ZBBX: variants seen among roughly 807,000 people sequenced by gnomAD.
ZBBX encodes zinc finger B-box domain-containing protein 1.
Under a neutral mutation model 108.5 loss-of-function variants are expected in ZBBX, and 101 were observed. The observed-to-expected ratio is 0.93, with a 90% CI of 0.79 to 1.10. The LOEUF is 1.10. Among genes scored for constraint, ZBBX ranks in the 50% least tolerant of loss-of-function variants. The pLI is 0.00. For missense variants in ZBBX, 1,009 were observed against 941.4 expected (o/e 1.07, Z -0.94); for synonymous variants, 356 against 323.4 (o/e 1.10, Z -1.08).
Position 167,276,509 on chromosome 3 carries a change from A to C in ZBBX, c.2254+5729T>G, listed in dbSNP as rs528782142. 4.0e-3 allele frequency among the ~76,000 whole-genome samples: 613 copies of C among 152,308 alleles called. 2 individuals are homozygous for C. Among genetic ancestry groups the C allele is most frequent in the African/African-American group, 0.014 (590 of 41,554 alleles). ...AAGGGTATCAGTGATGGAAGATGAA[A>C]TGAATAAAATGAAGTGAGAAGGGAA... On this transcript the variant is annotated intron_variant, in intron 20 of 21. Coordinates refer to ENST00000675490, the MANE Select transcript of ZBBX (RefSeq NM_001199201.2).
chr3:167,373,123 C>A, intron 3 of ZBBX, 173 bp from the exon 4 acceptor site: 1 of 417,860 alleles, frequency 2.4e-6, no homozygotes, highest in East Asian at 3.7e-5. Flanking sequence ...CCTTCAGCCA[C>A]ATATCAACCA....
intron 1 of ZBBX, among the ~76,000 whole-genome samples, chr3:167,386,324 G>T (rs767206105): frequency 3.6e-4 from 54 of 152,014 alleles, no homozygotes; most frequent in Middle Eastern, 3.4e-3. Context: ...ACTTAAACTA[G>T]GATGGATTGT....
At chr3:167,201,718 T>C in the ZBBX span, among the ~76,000 whole-genome samples, 1 of 152,134 alleles carries the variant, frequency 6.6e-6, no homozygotes, top group Non-Finnish European at 1.5e-5. Flanking sequence ...GAGATGCAGA[T>C]TGCTGCTTGT....
chr3:167,352,016 A>C (rs1023510864), intron 8 of ZBBX, among the ~76,000 whole-genome samples: 2 of 151,974 alleles, frequency 1.3e-5, no homozygotes, highest in Admixed American at 6.6e-5. Flanking sequence ...CCTCCTTATC[A>C]CAGCCAGCTA....
chr3:167,253,102 A>G (rs918127807), intron 20 of ZBBX, among the ~76,000 whole-genome samples: 3 of 152,224 alleles, frequency 2.0e-5, no homozygotes, highest in Non-Finnish European at 2.9e-5. Context: ...CCCCTATTAA[A>G]TAAATAGAAA....
chr3:167,255,722 G>A (rs887861566), intron 20 of ZBBX, among the ~76,000 whole-genome samples: 11 of 151,954 alleles, frequency 7.2e-5, no homozygotes, highest in African/African-American at 2.7e-4. Flanking sequence ...GAGATATTTT[G>A]ATACAGGCAT....
chr3:167,338,407 T>C (rs915002463), intron 9 of ZBBX, among the ~76,000 whole-genome samples: 5 of 152,152 alleles, frequency 3.3e-5, no homozygotes, highest in African/African-American at 9.7e-5. Context: ...AGAAAAATGA[T>C]ATACTTTATG....
chr3:167,268,951 C>G lies in ZBBX; in HGVS notation c.2254+13287G>C, dbSNP rs113167088. Among the ~76,000 whole-genome samples the G allele has an allele frequency of 7.2e-3, 1,102 of 152,236 alleles. 12 individuals are homozygous for G. The highest frequency in any genetic ancestry group is 0.024 in the African/African-American group (998 of 41,546). On this transcript the variant is annotated intron_variant, in intron 20 of 21. Coordinates refer to ENST00000675490, the MANE Select transcript of ZBBX (RefSeq NM_001199201.2). ...CCCAGACCCTCATCTACCAGACCCT[C>G]TAAAGAGTATGGGGGAACAACGTTG...
At chr3:167,207,076 T>C in the ZBBX span, among the ~76,000 whole-genome samples, 1 of 152,198 alleles carries the variant, frequency 6.6e-6, no homozygotes, top group Non-Finnish European at 1.5e-5. Flanking sequence ...GCATTGGCAA[T>C]ACTTTTTTGG....
chr3:167,271,083 C>T (rs1232700529), intron 20 of ZBBX, among the ~76,000 whole-genome samples: 1 of 152,154 alleles, frequency 6.6e-6, no homozygotes. Flanking sequence ...AATTGGTCTG[C>T]CCAAACTTGT....
rs535131769 is a variant in ZBBX at position 167,275,708 on chromosome 3, G to A, written c.2254+6530C>T. Among the ~76,000 whole-genome samples the A allele has an allele frequency of 1.6e-4, 25 of 152,294 alleles. No homozygotes were observed. The South Asian group carries it at 4.3e-3, about 26-fold the overall frequency. The stretch of plus-strand genomic sequence containing the variant: ...GTGGCAGCGAGGCTGGGGGAGGGGT[G>A]CCCGCCATTGCCCAGGCTTGCTTAG... On this transcript the variant is annotated intron_variant, in intron 20 of 21. Coordinates refer to ENST00000675490, the MANE Select transcript of ZBBX (RefSeq NM_001199201.2).
intron 20 of ZBBX, among the ~76,000 whole-genome samples, chr3:167,276,935 A>C (rs1333560716): frequency 1.3e-5 from 2 of 152,324 alleles, no homozygotes; most frequent in East Asian, 3.9e-4. Context: ...GTGGGGGCCA[A>C]TATTCAACAT....
chr3:167,323,647 A>G (rs1736862654), intron 11 of ZBBX, among the ~76,000 whole-genome samples: 1 of 152,070 alleles, frequency 6.6e-6, no homozygotes, highest in Non-Finnish European at 1.5e-5. Flanking sequence ...CCCTTCTTTC[A>G]TGGTTCACTG....
chr3:167,208,747 G>A, the ZBBX span, among the ~76,000 whole-genome samples: 1 of 152,174 alleles, frequency 6.6e-6, no homozygotes, highest in Non-Finnish European at 1.5e-5. Context: ...AGCTGTGATA[G>A]CTGTGAAGAG....
chr3:167,214,900 G>A, the ZBBX span, among the ~76,000 whole-genome samples: 12 of 151,992 alleles, frequency 7.9e-5, no homozygotes, highest in Admixed American at 3.9e-4. Context: ...TTGAGTAAAC[G>A]ACAAAATTAA....
chr3:167,304,626 T>C (rs1045801083), intron 17 of ZBBX, among the ~76,000 whole-genome samples: 8 of 152,166 alleles, frequency 5.3e-5, no homozygotes, highest in South Asian at 2.1e-4. Context: ...GAAATACATA[T>C]GCAAATGTAT....
chr3:167,393,413 A>G (rs773577007), intron 1 of ZBBX, among the ~76,000 whole-genome samples: 64 of 151,836 alleles, frequency 4.2e-4, no homozygotes, highest in Non-Finnish European at 7.7e-4. Context: ...TTCCATTGCT[A>G]CTTATTTTAT....
chr3:167,312,360 G>T (rs1734734399), intron 16 of ZBBX, among the ~76,000 whole-genome samples: 3 of 152,090 alleles, frequency 2.0e-5, no homozygotes, highest in Non-Finnish European at 4.4e-5. Context: ...TGGTGAATAT[G>T]TATCACATTA....
chr3:167,250,266 C>T (rs1338785890), intron 20 of ZBBX, among the ~76,000 whole-genome samples: 1 of 152,138 alleles, frequency 6.6e-6, no homozygotes, highest in Admixed American at 6.6e-5. Context: ...CAGACAAAAG[C>T]TTTGATGACC....
Sources: gnomAD v4.1 joint callset for allele counts (sites outside exome capture counted in the v4.1 genomes callset) on GRCh38, gnomAD v4.1.1 for gene constraint, MANE v1.5 for transcripts, NCBI Gene and HGNC (gene_info 2026-07-23, HGNC 2026-07-21) for gene names.